Variants in ARHGAP4 observed in about 807,000 individuals in gnomAD.
ARHGAP4 encodes Rho GTPase activating protein 4, also known as rho GTPase-activating protein 4.
Under a neutral mutation model 67.6 loss-of-function variants are expected in ARHGAP4, and 25 were observed. The ratio of observed to expected loss-of-function variants is 0.37; its 90% CI spans 0.27 to 0.52. The LOEUF is 0.52. Among genes scored for constraint, ARHGAP4 ranks in the 20% least tolerant of loss-of-function variants. The probability of loss-of-function intolerance (pLI) is 0.92; values close to 1 mark genes in which losing one functional copy is unlikely to be tolerated. For synonymous variants in ARHGAP4, 448 were observed against 373.7 expected, an observed-to-expected ratio of 1.20 and a Z score of -2.29; for missense variants, 804 against 854.6, an observed-to-expected ratio of 0.94 and a Z score of 0.74.
chrX:153,919,320 C>T (rs375049807), intron 5 of ARHGAP4, 37 bp from the exon 6 acceptor site: 11 of 1,210,332 alleles, frequency 9.1e-6, no homozygotes, highest in East Asian at 3.0e-5. Flanking sequence ...GGGTCACGCA[C>T]GTGGCCAGCC....
chrX:153,910,895 A>ACCCCC, intron 14 of ARHGAP4, 27 bp downstream of exon 14: 2 of 472,472 alleles, frequency 4.2e-6, no homozygotes, highest in South Asian at 3.8e-5. Flanking sequence ...CCGAGCCCCC[A>ACCCCC]CCCCCGCCCG....
chrX:153,911,049 T>G, intron 13 of ARHGAP4, 50 bp from the exon 14 acceptor site: 1 of 1,164,259 alleles, frequency 8.6e-7, no homozygotes, highest in Non-Finnish European at 1.1e-6. Flanking sequence ...CCCCAGCCCC[T>G]CCAGGATGGC....
In ARHGAP4 at chrX:153,910,721, C is replaced by T. The variant is rs781935710; in HGVS notation, c.1795G>A (p.Gly599Ser). 5.9e-6 allele frequency: 7 copies of T among 1,193,331 alleles called. No homozygotes were observed. Among genetic ancestry groups the T allele is most frequent in the East Asian group, 6.1e-5 (2 of 32,959 alleles). The change falls in exon 15 of 22, where the codon GGC (glycine) becomes AGC (serine). Residue 599 changes from glycine (G) to serine (S), a missense_variant. By Grantham distance (56) the Gly-to-Ser change is moderately conservative. Around this residue, in one of 2 missense-constraint regions of ARHGAP4, gnomAD observed 400 missense variants for 348.7 expected, o/e 1.15. Coordinates refer to ENST00000350060, the MANE Select transcript of ARHGAP4 (RefSeq NM_001666.5). ...TCACCCGAAGAAGCCAGCAGCTCGC[C>T]GAACAGGTCTGGGGGGAAGAGTGGG... ...EPPLFPPDLF[G>S]ELLASSELEA...
Position 153,926,179 on chromosome X carries a change from C to G in ARHGAP4, c.24G>C (p.Arg8=). MAAHGKL[R]RERGLQAEYE... The stretch of plus-strand genomic sequence containing the variant: ...ACTCAGCCTGCAGCCCCCGCTCCCG[C>G]CGCAGCTTCCCGTGAGCGGCCATGG... The change falls in exon 1 of 22, where the codon CGG becomes CGC. Residue 8 remains arginine, a synonymous_variant. Transcript: ENST00000350060. 1 of 1,203,396 alleles carries G rather than the reference C, an allele frequency of 8.3e-7. No individual in the cohort carries two copies. The highest frequency in any genetic ancestry group is 1.1e-6 in the Non-Finnish European group (1 of 891,575).
chrX:153,909,821 C>T lies in ARHGAP4; in HGVS notation c.2334G>A (p.Arg778=), dbSNP rs1557102378. ...CCCCCCGCCACCAGTCGCTCGAGGC[C>T]CTCTCGTGCAGCCGCAGTACGTCCC... is the stretch of plus-strand genomic sequence containing the variant. ...RRGDVLRLHE[R]ASSDWWRGEH... is the part of the protein sequence containing the mutation. Residue 778 remains arginine, a synonymous_variant, in exon 19 of 22, where the codon AGG becomes AGA. Transcript: ENST00000350060. 1 of 1,202,737 alleles carries T rather than the reference C, an allele frequency of 8.3e-7. No homozygotes were observed. Among genetic ancestry groups the T allele is most frequent in the Non-Finnish European group, 1.1e-6 (1 of 891,591 alleles).
At chrX:153,923,756 A>G (rs2065110150) in intron 1 of ARHGAP4, among the ~76,000 whole-genome samples, 1 of 112,604 alleles carries the variant, frequency 8.9e-6, no homozygotes, top group Non-Finnish European at 1.9e-5. Context: ...AAATCAGGAG[A>G]GTCCTCACTG....
rs782044554 is a variant in ARHGAP4, at chrX:153,913,539, C to CCGT, written c.1193_1195dup (p.Asp398dup). The CCGT allele has an allele frequency of 5.0e-6, 6 of 1,211,864 alleles. No individual in the cohort carries two copies. In the East Asian group the frequency reaches 1.8e-4, roughly 36 times the overall value. On this transcript the variant is annotated inframe_insertion, in exon 9 of 22. Transcript: ENST00000350060. Reference sequence around the variant, plus strand: ...GGTCTGGAAGGAATCAAGCACATCCCCGTCATCCGAGGCCACCACCTCCAG... The same window carrying CCGT: ...GGTCTGGAAGGAATCAAGCACATCCCCGTCGTCATCCGAGGCCACCACCTCCAG...
At position 153,921,778 on chromosome X, in the gene ARHGAP4, G is replaced by A. The variant is rs1236377198; in HGVS notation, c.99C>T (p.Arg33=). The change falls in exon 2 of 22, where the codon CGC becomes CGT. Residue 33 remains arginine, a synonymous_variant. Coordinates refer to ENST00000350060, the MANE Select transcript of ARHGAP4 (RefSeq NM_001666.5). ...EMRWQLSEQL[R]CLELQGELRR... is the part of the protein sequence containing the mutation. ...GCAGCTCGCCCTGCAGCTCCAGGCA[G>A]CGCAGCTGCTCGCTCAGCTGCCAGC... The A allele has an allele frequency of 3.3e-6, 4 of 1,196,866 alleles. No individual in the cohort carries two copies. The African/African-American group carries it at 5.2e-5, about 16-fold the overall frequency.
At chrX:153,912,968 A>C (rs2065031117) in intron 11 of ARHGAP4, 56 bp downstream of exon 11, 1 of 1,169,288 alleles carries the variant, frequency 8.6e-7, no homozygotes, top group Non-Finnish European at 1.1e-6. Context: ...GCTGGGCCCC[A>C]GGAAGAGAAG....
chrX:153,908,243 C>G (rs1557101749), intron 21 of ARHGAP4, among the ~76,000 whole-genome samples: 1 of 112,282 alleles, frequency 8.9e-6, no homozygotes, highest in Non-Finnish European at 1.9e-5. Flanking sequence ...GAGATCACAG[C>G]CCCCTGCCCA....
chrX:153,912,016 C>T (rs188653359), intron 12 of ARHGAP4, among the ~76,000 whole-genome samples: 8 of 111,948 alleles, frequency 7.1e-5, no homozygotes, highest in African/African-American at 9.7e-5. Context: ...CTGAAAATGA[C>T]GATATCAGTT....
intron 1 of ARHGAP4, among the ~76,000 whole-genome samples, chrX:153,925,764 C>T (rs2065122531): frequency 8.9e-6 from 1 of 112,390 alleles, no homozygotes; most frequent in Non-Finnish European, 1.9e-5. Context: ...TACTCACCCC[C>T]CAGCCCAATC....
In ARHGAP4 at chrX:153,921,356, G is replaced by C; in HGVS notation, c.435+9C>G. The C allele has an allele frequency of 8.3e-7, 1 of 1,210,989 alleles. No homozygotes were observed. The highest frequency in any genetic ancestry group is 1.1e-6 in the Non-Finnish European group (1 of 895,387). On this transcript the variant is annotated intron_variant, in intron 3 of 21. Coordinates refer to ENST00000350060, the MANE Select transcript of ARHGAP4 (RefSeq NM_001666.5). ...GAACACTTCCCGTGGCCCAGGATGAGAGCCTCACCTTCTTGACCAGGCGCC... is the reference window on the plus strand; with the variant it reads ...GAACACTTCCCGTGGCCCAGGATGACAGCCTCACCTTCTTGACCAGGCGCC...
chrX:153,911,525 G>A (rs1200158250), intron 12 of ARHGAP4, among the ~76,000 whole-genome samples: 3 of 112,017 alleles, frequency 2.7e-5, no homozygotes, highest in African/African-American at 9.8e-5. Flanking sequence ...TTTTGATGAG[G>A]TTTTAGGCAG....
At chrX:153,919,573 A>C in intron 5 of ARHGAP4, 3 of 1,159,892 alleles carry the variant, frequency 2.6e-6, no homozygotes, top group Non-Finnish European at 3.5e-6. Flanking sequence ...ATACCTGATG[A>C]GTGGAAGGTG....
chrX:153,916,991 G>A (rs1379022798), intron 7 of ARHGAP4, among the ~76,000 whole-genome samples: 2 of 110,577 alleles, frequency 1.8e-5, no homozygotes, highest in African/African-American at 3.3e-5. Context: ...CGAGGCAGGC[G>A]GATCACCTGA....
intron 1 of ARHGAP4, chrX:153,922,072 G>T: frequency 1.0e-6 from 1 of 991,156 alleles, no homozygotes; most frequent in Non-Finnish European, 1.3e-6. Flanking sequence ...GAGGGGGAAG[G>T]GGAAGGGTGT....
chrX:153,919,690 A>G (rs2065079496), intron 5 of ARHGAP4: 1 of 1,148,532 alleles, frequency 8.7e-7, no homozygotes, highest in African/African-American at 1.8e-5. Context: ...GCCAGAGCTG[A>G]GGGGGAACGA....
At chrX:153,909,343 T>G (rs2064998018) in intron 20 of ARHGAP4, 100 bp downstream of exon 20, 5 of 908,671 alleles carry the variant, frequency 5.5e-6, no homozygotes, top group Non-Finnish European at 7.3e-6. Flanking sequence ...CGTCCTCATC[T>G]GCCAACTCCT....
Sources: gnomAD v4.1 joint callset for allele counts (sites outside exome capture counted in the v4.1 genomes callset) on GRCh38, gnomAD v4.1.1 for gene constraint, gnomAD v4.1.1 regional missense constraint, MANE v1.5 for transcripts, NCBI Gene and HGNC (gene_info 2026-07-23, HGNC 2026-07-21) for gene names.